The following MSTO1 variants were observed in gnomAD, a reference collection of about 807,000 sequenced individuals.
The protein encoded by MSTO1 is misato mitochondrial distribution and morphology regulator 1.
In MSTO1, 24 loss-of-function variants were observed where a neutral mutation model predicts 55.7. The ratio of observed to expected loss-of-function variants is 0.43; its 90% CI spans 0.31 to 0.61. The LOEUF is 0.61. Among genes scored for constraint, MSTO1 ranks in the 20% least tolerant of loss-of-function variants. MSTO1 has a pLI of 0.09. For synonymous variants in MSTO1, 162 were observed against 252.8 expected, an observed-to-expected ratio of 0.64 and a Z score of 3.41; for missense variants, 363 against 625.7, an observed-to-expected ratio of 0.58 and a Z score of 4.48.
chr1:155,580,056 A>G, the MSTO1 span, among the ~76,000 whole-genome samples: 1 of 151,250 alleles, frequency 6.6e-6, no homozygotes, highest in Non-Finnish European at 1.5e-5. Flanking sequence ...AGCCTGGGCA[A>G]CAGAGCAAGA....
the MSTO1 span, among the ~76,000 whole-genome samples, chr1:155,569,002 C>G: frequency 2.0e-5 from 3 of 151,932 alleles, no homozygotes; most frequent in African/African-American, 2.4e-5. Context: ...TTCCAGGCAC[C>G]CACCACCATA....
chr1:155,569,695 C>T, the MSTO1 span, among the ~76,000 whole-genome samples: 1 of 152,026 alleles, frequency 6.6e-6, no homozygotes. Flanking sequence ...CCTCAATCTC[C>T]CAAAGTGCTG....
the MSTO1 span, among the ~76,000 whole-genome samples, chr1:155,574,948 C>G: frequency 1.3e-5 from 2 of 149,538 alleles, no homozygotes; most frequent in Non-Finnish European, 3.0e-5. Context: ...CTCACTGCAA[C>G]CTCCACCTCC....
chr1:155,608,821 TTTTTTTA>T (rs1328740636), upstream of MSTO1, among the ~76,000 whole-genome samples: 13 of 150,780 alleles, frequency 8.6e-5, no homozygotes, highest in African/African-American at 2.9e-4. Context: ...TTTATTTTTA[TTTTTTTA>T]TTTTTTATTT....
the MSTO1 span, among the ~76,000 whole-genome samples, chr1:155,576,079 C>A: frequency 6.6e-6 from 1 of 152,024 alleles, no homozygotes; most frequent in Admixed American, 6.6e-5. Context: ...GCTTCGGCCT[C>A]CCAAAGTGCT....
chr1:155,572,193 C>T, the MSTO1 span, among the ~76,000 whole-genome samples: 1 of 152,144 alleles, frequency 6.6e-6, no homozygotes, highest in Non-Finnish European at 1.5e-5. Context: ...TAGACTTTAG[C>T]AACATACCTG....
chr1:155,612,155 T>C (rs748252266), intron 7 of MSTO1, 27 bp from the exon 8 acceptor site: 10 of 1,613,728 alleles, frequency 6.2e-6, no homozygotes, highest in South Asian at 4.4e-5. Context: ...TCCTGCTAAC[T>C]ATCTTTTGTC....
the MSTO1 span, among the ~76,000 whole-genome samples, chr1:155,585,893 T>C: frequency 1.3e-5 from 2 of 152,032 alleles, no homozygotes; most frequent in African/African-American, 2.4e-5. Context: ...AGTTTTCCTA[T>C]ATATATATCC....
the MSTO1 span, among the ~76,000 whole-genome samples, chr1:155,580,817 G>C: frequency 6.7e-6 from 1 of 149,496 alleles, no homozygotes; most frequent in Non-Finnish European, 1.5e-5. Context: ...GCTGAGGCAG[G>C]AGAATTGCTT....
chr1:155,605,489 T>C (rs1043019097), upstream of MSTO1, among the ~76,000 whole-genome samples: 1 of 152,118 alleles, frequency 6.6e-6, no homozygotes, highest in African/African-American at 2.4e-5. Flanking sequence ...AATACAGAAC[T>C]TGAATAATTC....
chr1:155,599,566 T>A, the MSTO1 span, among the ~76,000 whole-genome samples: 3 of 152,272 alleles, frequency 2.0e-5, no homozygotes, highest in South Asian at 6.2e-4. Context: ...TCCACACCTG[T>A]GGGTGTTTCT....
chr1:155,599,821 C>A, the MSTO1 span, among the ~76,000 whole-genome samples: 1 of 152,174 alleles, frequency 6.6e-6, no homozygotes. Context: ...GCATCATAGA[C>A]AAGGTAAAGG....
chr1:155,599,392 G>A, the MSTO1 span, among the ~76,000 whole-genome samples: 1 of 152,180 alleles, frequency 6.6e-6, no homozygotes, highest in African/African-American at 2.4e-5. Context: ...TCCTGCCTTA[G>A]AGGTCACCAC....
the MSTO1 span, among the ~76,000 whole-genome samples, chr1:155,594,968 C>T: frequency 1.3e-5 from 2 of 151,964 alleles, no homozygotes; most frequent in Admixed American, 1.3e-4. Context: ...GAAACCCCGT[C>T]CCTACTAAAA....
At chr1:155,584,016 G>A in the MSTO1 span, among the ~76,000 whole-genome samples, 10 of 152,198 alleles carry the variant, frequency 6.6e-5, no homozygotes, top group Non-Finnish European at 8.8e-5. Flanking sequence ...TAGTGTGGGC[G>A]TGTGGAAGCA....
At chr1:155,572,799 C>T in the MSTO1 span, among the ~76,000 whole-genome samples, 2 of 151,910 alleles carry the variant, frequency 1.3e-5, no homozygotes, top group Admixed American at 6.6e-5. Context: ...TGCAGGCATG[C>T]GCCACCACGT....
At chr1:155,576,064 C>T in the MSTO1 span, among the ~76,000 whole-genome samples, 1 of 151,890 alleles carries the variant, frequency 6.6e-6, no homozygotes, top group Non-Finnish European at 1.5e-5. Flanking sequence ...TCAGGTGATC[C>T]GCCTGCTTCG....
chr1:155,576,152 T>G, the MSTO1 span, among the ~76,000 whole-genome samples: 3 of 151,960 alleles, frequency 2.0e-5, no homozygotes, highest in East Asian at 5.8e-4. Context: ...GCCTTTTTAT[T>G]AAGTTGTAAA....
At chr1:155,599,928 C>T in the MSTO1 span, among the ~76,000 whole-genome samples, 1 of 152,250 alleles carries the variant, frequency 6.6e-6, no homozygotes, top group Admixed American at 6.5e-5. Flanking sequence ...AGCCCTAAGG[C>T]GGTTTTTCCC....
Sources: allele counts gnomAD v4.1 joint callset (sites outside exome capture counted in the v4.1 genomes callset), GRCh38; gene constraint gnomAD v4.1.1; transcripts MANE v1.5; gene names NCBI Gene and HGNC (gene_info 2026-07-23, HGNC 2026-07-21).